KIAA2012: variants seen among roughly 807,000 people sequenced by gnomAD.
The protein encoded by KIAA2012 is KIAA2012, also known as uncharacterized protein KIAA2012.
Under a neutral mutation model 150.6 loss-of-function variants are expected in KIAA2012, and 125 were observed. The observed-to-expected ratio is 0.83, with a 90% CI of 0.72 to 0.96. KIAA2012 has a LOEUF of 0.96. Among genes scored for constraint, KIAA2012 ranks in the 40% least tolerant of loss-of-function variants. The pLI is 0.00. For missense variants in KIAA2012, 1,219 were observed against 1,354.9 expected, an observed-to-expected ratio of 0.90 and a Z score of 1.57; for synonymous variants, 462 against 504.7, an observed-to-expected ratio of 0.92 and a Z score of 1.13.
chr2:202,157,489 G>A (rs1691554058), intron 14 of KIAA2012, among the ~76,000 whole-genome samples: 1 of 152,180 alleles, frequency 6.6e-6, no homozygotes, highest in Admixed American at 6.5e-5. Flanking sequence ...GAAAGGTCAA[G>A]GCAGAACAAG....
chr2:202,185,178 C>T (rs1029390735), intron 16 of KIAA2012, among the ~76,000 whole-genome samples: 2 of 152,120 alleles, frequency 1.3e-5, no homozygotes, highest in African/African-American at 4.8e-5. Context: ...CTGGGTTTGT[C>T]CCCTCAGCAT....
At chr2:202,115,092 C>CT (rs1336456273) in intron 11 of KIAA2012, 1 of 160,344 alleles carries the variant, frequency 6.2e-6, no homozygotes, top group African/African-American at 2.4e-5. Flanking sequence ...TTGGTTTGGG[C>CT]TTTTTTGTTT....
chr2:202,100,220 T>C (rs1690005732), intron 6 of KIAA2012, 87 bp from the exon 7 acceptor site: 1 of 1,380,738 alleles, frequency 7.2e-7, no homozygotes. Flanking sequence ...TTCTCCCCAT[T>C]AACTACGACG....
At position 202,154,654 on chromosome 2, in the gene KIAA2012, T is replaced by A; in HGVS notation, c.1909-19T>A. On this transcript the variant is annotated intron_variant, in intron 13 of 23. Transcript: ENST00000498697. Reference sequence around the variant, plus strand: ...ATATCATTCATATGAAAGTTCGGGCTTTCTGCTTCTCTTCACAGGGAGCCC... The same window carrying A: ...ATATCATTCATATGAAAGTTCGGGCATTCTGCTTCTCTTCACAGGGAGCCC... The A allele has an allele frequency of 6.6e-7, 1 of 1,521,606 alleles. No homozygotes were observed. Among genetic ancestry groups the A allele is most frequent in the Non-Finnish European group, 8.8e-7 (1 of 1,139,342 alleles). The allele number at this position is 1,521,606 out of a possible 1,614,324, so 94.3% of individuals were successfully genotyped here.
intron 2 of KIAA2012, 61 bp downstream of exon 2, chr2:202,075,236 T>C: frequency 6.8e-7 from 1 of 1,464,710 alleles, no homozygotes; most frequent in Non-Finnish European, 9.0e-7. Flanking sequence ...GAAACCCAGT[T>C]GCAGCTTTGG....
At chr2:202,171,803 T>G (rs901009385) in intron 15 of KIAA2012, among the ~76,000 whole-genome samples, 1 of 151,978 alleles carries the variant, frequency 6.6e-6, no homozygotes, top group African/African-American at 2.4e-5. Context: ...TTGGCCAATT[T>G]TCCACTTAGG....
chr2:202,203,439 C>T (rs1009533719), intron 23 of KIAA2012, among the ~76,000 whole-genome samples: 1 of 152,198 alleles, frequency 6.6e-6, no homozygotes, highest in African/African-American at 2.4e-5. Context: ...TGAGCTGCTT[C>T]GTGAGGCCAT....
chr2:202,076,740 T>C (rs887761438), intron 2 of KIAA2012, among the ~76,000 whole-genome samples: 11 of 152,166 alleles, frequency 7.2e-5, no homozygotes, highest in African/African-American at 2.7e-4. Flanking sequence ...CACCAGGGCC[T>C]GCATACTTTG....
chr2:202,092,934 C>G, intron 3 of KIAA2012, 96 bp from the exon 4 acceptor site: 2 of 1,079,936 alleles, frequency 1.9e-6, no homozygotes, highest in Non-Finnish European at 2.6e-6. Context: ...ATGTCCAAAG[C>G]CAAGACTAGT....
intron 2 of KIAA2012, among the ~76,000 whole-genome samples, chr2:202,079,863 A>G (rs1689407928): frequency 6.6e-6 from 1 of 152,222 alleles, no homozygotes; most frequent in South Asian, 2.1e-4. Flanking sequence ...TTGGGGTGGG[A>G]TAAATACAAA....
chr2:202,134,354 C>A (rs1691017291), intron 12 of KIAA2012, among the ~76,000 whole-genome samples: 1 of 148,390 alleles, frequency 6.7e-6, no homozygotes, highest in South Asian at 2.3e-4. Flanking sequence ...GGATATTTGG[C>A]CACTTTGGAC....
chr2:202,134,702 C>T (rs1244175903), intron 12 of KIAA2012, among the ~76,000 whole-genome samples: 3 of 151,968 alleles, frequency 2.0e-5, no homozygotes, highest in Admixed American at 2.0e-4. Context: ...TTACAGGCGC[C>T]CGCTACCACA....
At chr2:202,183,941 C>CACTA (rs1477243772) in intron 15 of KIAA2012, among the ~76,000 whole-genome samples, 7 of 152,158 alleles carry the variant, frequency 4.6e-5, no homozygotes, top group African/African-American at 1.7e-4. Context: ...AGTTCTAACA[C>CACTA]ACTATTCTGT....
At chr2:202,171,067 G>A (rs1001122279) in intron 15 of KIAA2012, among the ~76,000 whole-genome samples, 11 of 151,406 alleles carry the variant, frequency 7.3e-5, no homozygotes, top group African/African-American at 2.7e-4. Context: ...GCCCCCCACG[G>A]GAGAAAACAG....
chr2:202,102,186 A>ACATG (rs1380593172), intron 7 of KIAA2012, among the ~76,000 whole-genome samples: 2 of 141,868 alleles, frequency 1.4e-5, no homozygotes, highest in African/African-American at 6.4e-5. Context: ...ACATACACAT[A>ACATG]CACGCACACA....
At chr2:202,132,737 G>GTA (rs1553556792) in intron 12 of KIAA2012, among the ~76,000 whole-genome samples, 72 of 52,712 alleles carry the variant, frequency 1.4e-3, no homozygotes, top group African/African-American at 5.5e-3. Context: ...TAGTATATAT[G>GTA]TATATATATA....
intron 2 of KIAA2012, chr2:202,077,134 C>T (rs768082649): frequency 9.0e-6 from 4 of 445,150 alleles, no homozygotes; most frequent in South Asian, 3.2e-5. Context: ...GTCCTTCTAG[C>T]GTAAGTGTGG....
At chr2:202,175,455 C>T (rs1444454364) in intron 15 of KIAA2012, among the ~76,000 whole-genome samples, 4 of 152,192 alleles carry the variant, frequency 2.6e-5, no homozygotes, top group African/African-American at 7.2e-5. Flanking sequence ...ACCTCATCAC[C>T]AATGTAAAGG....
At position 202,090,996 on chromosome 2, in the gene KIAA2012, T is replaced by G; in HGVS notation, c.529+67T>G. 2.0e-6 allele frequency: 3 copies of G among 1,467,628 alleles called. No homozygotes were observed. The South Asian group carries it at 4.2e-5, about 20-fold the overall frequency. The allele number at this position is 1,467,628 out of a possible 1,614,324, so 90.9% of individuals were successfully genotyped here. ...CACCTCCCATTCTGGTGTGACAGTG[T>G]GTTTTCCATCAAGACCTGAAACACC... On this transcript the variant is annotated intron_variant, in intron 3 of 23. Transcript: ENST00000498697.
Sources: gnomAD v4.1 joint callset for allele counts (sites outside exome capture counted in the v4.1 genomes callset) on GRCh38, gnomAD v4.1.1 for gene constraint, MANE v1.5 for transcripts, NCBI Gene and HGNC (gene_info 2026-07-23, HGNC 2026-07-21) for gene names.